Variants in DYNC2I1 observed in about 807,000 individuals in gnomAD.
DYNC2I1 encodes dynein 2 intermediate chain 1, also known as cytoplasmic dynein 2 intermediate chain 1.
In DYNC2I1, 89 loss-of-function variants were observed where a neutral mutation model predicts 133.4. That is an observed-to-expected ratio of 0.67 (90% CI 0.56 to 0.80). DYNC2I1 has a LOEUF of 0.80. Among genes scored for constraint, DYNC2I1 ranks in the 30% least tolerant of loss-of-function variants. DYNC2I1 has a pLI of 0.00. For synonymous variants in DYNC2I1, 504 were observed against 484.3 expected, an observed-to-expected ratio of 1.04 and a Z score of -0.54; for missense variants, 1,291 against 1,314.5, an observed-to-expected ratio of 0.98 and a Z score of 0.28.
intron 9 of DYNC2I1, among the ~76,000 whole-genome samples, chr7:158,902,133 T>C (rs1297377824): frequency 1.3e-5 from 2 of 152,212 alleles, no homozygotes; most frequent in Non-Finnish European, 2.9e-5. Context: ...CACGTGATGA[T>C]AGTTGATAGG....
At position 158,871,303 on chromosome 7, in the gene DYNC2I1, G is replaced by A; in HGVS notation, c.231G>A (p.Lys77=). Residue 77 remains lysine (K), a synonymous_variant, in exon 3 of 25, where the codon AAG becomes AAA. Transcript: ENST00000407559. ...RDRVAEVHTA[K]ESPRGERDRD... ...GGGTGGCCGAAGTCCACACCGCTAA[G>A]GAGAGTCCTCGTGGGGAGAGGGACA... 6.3e-7 allele frequency: 1 copy of A among 1,576,158 alleles called. No individual in the cohort carries two copies. Among genetic ancestry groups the A allele is most frequent in the South Asian group, 1.2e-5 (1 of 86,788 alleles).
intron 23 of DYNC2I1, among the ~76,000 whole-genome samples, chr7:158,941,659 A>T (rs973204183): frequency 1.2e-4 from 19 of 152,214 alleles, no homozygotes; most frequent in African/African-American, 3.4e-4. Context: ...AGGTAGGAGG[A>T]TCACTTGAGG....
At chr7:158,904,623 A>G (rs1846573769) in intron 10 of DYNC2I1, 1 of 152,462 alleles carries the variant, frequency 6.6e-6, no homozygotes, top group Admixed American at 6.5e-5. Flanking sequence ...TCATTTTTAA[A>G]AACAGTCACA....
At chr7:158,955,511 T>G (rs554267081) in intron 4 of DYNC2I1, among the ~76,000 whole-genome samples, 2 of 152,350 alleles carry the variant, frequency 1.3e-5, no homozygotes, top group South Asian at 4.1e-4. Context: ...TCTGTTCAGT[T>G]CAACAAACAC....
At chr7:158,932,519 A>T (rs1020286341) in intron 21 of DYNC2I1, among the ~76,000 whole-genome samples, 9 of 150,430 alleles carry the variant, frequency 6.0e-5, no homozygotes, top group Non-Finnish European at 1.5e-5. Context: ...AGTGGGTCTG[A>T]TGGTGAGGGA....
At chr7:158,912,038 G>A (rs1293393903) in intron 12 of DYNC2I1, among the ~76,000 whole-genome samples, 5 of 152,180 alleles carry the variant, frequency 3.3e-5, no homozygotes, top group African/African-American at 7.2e-5. Flanking sequence ...GCAGTGGAGT[G>A]ATCTTGGCTC....
At chr7:158,856,371 C>G (rs1460579732), upstream of DYNC2I1, among the ~76,000 whole-genome samples, 6 of 152,264 alleles carry the variant, frequency 3.9e-5, no homozygotes, top group Non-Finnish European at 8.8e-5. Flanking sequence ...AGTCAGGGTA[C>G]TGCACCTACC....
Position 158,911,630 on chromosome 7 carries a change from A to G in DYNC2I1, c.1541A>G (p.Asn514Ser). ...TFSLLDLPPVNEYDMYIRNFG... is the reference protein window; with the variant it reads ...TFSLLDLPPVSEYDMYIRNFG... ...TCTCTCTTGGATCTACCACCAGTAA[A>G]TGAATATGACATGTATATCAGAAAC... Residue 514 changes from asparagine to serine, a missense_variant, in exon 12 of 25, where the codon AAT becomes AGT. Asn to Ser is a conservative substitution (Grantham distance 46). Transcript: ENST00000407559. 1 of 1,613,724 alleles carries G rather than the reference A, an allele frequency of 6.2e-7. No homozygotes were observed. The highest frequency in any genetic ancestry group is 1.3e-5 in the African/African-American group (1 of 75,042).
chr7:158,936,886 A>G (rs565439003), intron 23 of DYNC2I1, among the ~76,000 whole-genome samples: 1 of 152,256 alleles, frequency 6.6e-6, no homozygotes, highest in Non-Finnish European at 1.5e-5. Context: ...GCAACCTAGC[A>G]GAGAAGATTT....
At chr7:158,928,402 G>A (rs1437201397) in intron 20 of DYNC2I1, among the ~76,000 whole-genome samples, 2 of 152,094 alleles carry the variant, frequency 1.3e-5, no homozygotes, top group Non-Finnish European at 2.9e-5. Flanking sequence ...GAGTGAGACC[G>A]GCTTTGTTCC....
the DYNC2I1 span, among the ~76,000 whole-genome samples, chr7:158,848,922 C>CAAAA: frequency 7.1e-6 from 1 of 140,328 alleles, no homozygotes; most frequent in Non-Finnish European, 1.6e-5. Context: ...GACTCCGTTT[C>CAAAA]AAAAAAAAAA....
intron 11 of DYNC2I1, among the ~76,000 whole-genome samples, chr7:158,910,470 G>GGT (rs2129484549): frequency 6.6e-6 from 1 of 151,580 alleles, no homozygotes; most frequent in African/African-American, 2.4e-5. Context: ...CAGGCCTGTG[G>GGT]GCCGAGTGCG....
At chr7:158,873,855 C>G (rs1843095677) in intron 3 of DYNC2I1, among the ~76,000 whole-genome samples, 3 of 151,688 alleles carry the variant, frequency 2.0e-5, no homozygotes, top group African/African-American at 7.3e-5. Flanking sequence ...CTCCCTGGTT[C>G]AAGTGATTCC....
At chr7:158,952,844 TC>T (rs1157117425) in intron 4 of DYNC2I1, among the ~76,000 whole-genome samples, 1 of 147,584 alleles carries the variant, frequency 6.8e-6, no homozygotes, top group African/African-American at 2.5e-5. Flanking sequence ...GGGACTCTCC[TC>T]AGCACCCTTC....
intron 11 of DYNC2I1, among the ~76,000 whole-genome samples, chr7:158,907,547 ATTTCCC>A (rs1846963668): frequency 6.6e-6 from 1 of 150,598 alleles, no homozygotes; most frequent in Non-Finnish European, 1.5e-5. Flanking sequence ...CTCCCTTTCC[ATTTCCC>A]TTTCCCTTTT....
In DYNC2I1 at chr7:158,864,719, T is replaced by G. The variant is rs367922713; in HGVS notation, c.16-5136T>G. ...TGGGGTCTTGCTGTGTTGCCCTGGC[T>G]GGTCTTGAACTCCTGGGCTCAAGTA... On this transcript the variant is annotated intron_variant, in intron 1 of 24. Transcript: ENST00000407559. Among the ~76,000 whole-genome samples, 45 of 152,180 alleles carry G rather than the reference T, an allele frequency of 3.0e-4. 2 individuals are homozygous for G. The South Asian group carries it at 9.3e-3, about 32-fold the overall frequency.
At chr7:158,958,524 C>A (rs969794072), downstream of DYNC2I1, among the ~76,000 whole-genome samples, 1 of 152,246 alleles carries the variant, frequency 6.6e-6, no homozygotes, top group African/African-American at 2.4e-5. Flanking sequence ...TGTTCGGTAT[C>A]TTGGCTTCAC....
intron 4 of DYNC2I1, among the ~76,000 whole-genome samples, chr7:158,953,347 A>C (rs1351127601): frequency 6.6e-6 from 1 of 152,256 alleles, no homozygotes; most frequent in Non-Finnish European, 1.5e-5. Context: ...ACTGAATTCT[A>C]AAGTCTAAAG....
chr7:158,898,602 T>C (rs1175217117), intron 8 of DYNC2I1, among the ~76,000 whole-genome samples: 1 of 152,242 alleles, frequency 6.6e-6, no homozygotes, highest in Non-Finnish European at 1.5e-5. Flanking sequence ...TTCATTTGGG[T>C]TTCCTGAAGA....
Sources: allele counts gnomAD v4.1 joint callset (sites outside exome capture counted in the v4.1 genomes callset), GRCh38; gene constraint gnomAD v4.1.1; transcripts MANE v1.5; gene names NCBI Gene and HGNC (gene_info 2026-07-23, HGNC 2026-07-21).